RP9: variants seen among roughly 807,000 people sequenced by gnomAD.
RP9 encodes the protein RP9 pre-mRNA splicing factor.
RP9 carries 23 observed loss-of-function variants against 32.6 expected under a neutral mutation model. That is an observed-to-expected ratio of 0.71 (90% CI 0.51 to 1.00). The LOEUF (loss-of-function observed/expected upper bound fraction) is 1.00, where lower values mean the gene tolerates loss of function less well. RP9 is among the 50% of genes least tolerant of loss of function. The pLI, the probability that RP9 is intolerant of heterozygous loss-of-function variation, is 0.00. For missense variants in RP9, 245 were observed against 285.3 expected, an observed-to-expected ratio of 0.86 and a Z score of 1.02; for synonymous variants, 94 against 103.6, an observed-to-expected ratio of 0.91 and a Z score of 0.56.
chr7:33,107,512 G>A (rs1451612426), intron 1 of RP9, among the ~76,000 whole-genome samples: 2 of 152,150 alleles, frequency 1.3e-5, no homozygotes, highest in African/African-American at 4.8e-5. Flanking sequence ...TGACTTCCCT[G>A]GGAGACCAAG....
intron 1 of RP9, among the ~76,000 whole-genome samples, chr7:33,102,414 C>G (rs1487273519): frequency 6.6e-6 from 1 of 152,110 alleles, no homozygotes; most frequent in Non-Finnish European, 1.5e-5. Flanking sequence ...TGGGTTCAAG[C>G]AATCCTCCTG....
At chr7:33,099,210 G>C in intron 3 of RP9, 97 bp downstream of exon 3, 2 of 1,405,192 alleles carry the variant, frequency 1.4e-6, no homozygotes, top group Non-Finnish European at 2.0e-6. Context: ...GGCTGTAAGA[G>C]GGCTGTGATG....
At chr7:33,100,314 C>T (rs911456781) in intron 2 of RP9, 9 of 617,466 alleles carry the variant, frequency 1.5e-5, no homozygotes, top group Non-Finnish European at 2.3e-5. Context: ...TGGGCCTGCA[C>T]TGGTTCTTCA....
rs575755283 is a variant in RP9 at position 33,109,341 on chromosome 7, C to T, written c.32G>A (p.Gly11Glu). The change falls in exon 1 of 6, where the codon GGG becomes GAG. Residue 11 changes from glycine to glutamate, a missense_variant. Coordinates refer to ENST00000297157, the MANE Select transcript of RP9 (RefSeq NM_203288.2). This position sits in a 1 kb window ranked among gnomAD's most constrained non-coding sequence, Gnocchi z 4.9. MSSRPGREDV[G>E]AAGARRPREP... is the part of the protein sequence containing the mutation. Reference sequence around the variant, plus strand: ...ACGCGGCCGCCGCGCGCCCGCAGCCCCCACGTCCTCGCGCCCAGGCCGGGA... The same window carrying T: ...ACGCGGCCGCCGCGCGCCCGCAGCCTCCACGTCCTCGCGCCCAGGCCGGGA... The T allele has an allele frequency of 8.0e-5, 116 of 1,447,316 alleles. 1 individual carries two copies. The South Asian group carries it at 1.4e-3, about 17-fold the overall frequency. The allele number at this position is 1,447,316 out of a possible 1,614,324, so 89.7% of individuals were successfully genotyped here.
chr7:33,109,229 C>T lies in RP9; in HGVS notation c.144G>A (p.Leu48=). ...GGCAGCTCGGGACTCACAAGGACTC[C>T]AGGTGCTTGAGCTGCTGCAGCTGCT... ...DAQQLQQLKH[L]ESFYEKPPPG... The change falls in exon 1 of 6, where the codon CTG becomes CTA. Residue 48 remains leucine, a synonymous_variant. Transcript: ENST00000297157. This position sits in a 1 kb window ranked among gnomAD's most constrained non-coding sequence, Gnocchi z 4.9. 6.7e-7 allele frequency: 1 copy of T among 1,498,390 alleles called. No homozygotes were observed. Among genetic ancestry groups the T allele is most frequent in the African/African-American group, 1.5e-5 (1 of 68,502 alleles). The allele number at this position is 1,498,390 out of a possible 1,614,324, so 92.8% of individuals were successfully genotyped here.
rs1319252991 is a variant in RP9, at chr7:33,109,208, G to A, written c.152+13C>T. ...GAAGACTGGCCGCGCGCGGACGGCA[G>A]CTCGGGACTCACAAGGACTCCAGGT... On this transcript the variant is annotated intron_variant, in intron 1 of 5. Transcript: ENST00000297157. The surrounding 1 kb of genome is among the most constrained non-coding windows in gnomAD (Gnocchi z 4.9). 1.4e-5 allele frequency: 21 copies of A among 1,493,084 alleles called. No homozygotes were observed. The highest frequency in any genetic ancestry group is 1.8e-5 in the Non-Finnish European group (20 of 1,123,384). 92.5% of individuals were successfully genotyped at this position (1,493,084 alleles called of 1,614,324 possible).
chr7:33,099,204 G>A lies in RP9; in HGVS notation c.313+103C>T, dbSNP rs1305231991. ...AGAAGATGGAGAACGTGCCTTGGCT[G>A]TAAGAGGGCTGTGATGAGAACAAGT... On this transcript the variant is annotated intron_variant, in intron 3 of 5. Coordinates refer to ENST00000297157, the MANE Select transcript of RP9 (RefSeq NM_203288.2). The A allele has an allele frequency of 3.7e-6, 5 of 1,364,216 alleles. No individual in the cohort carries two copies. The East Asian group carries it at 6.9e-5, about 19-fold the overall frequency. 84.5% of individuals were successfully genotyped at this position (1,364,216 alleles called of 1,614,324 possible).
intron 1 of RP9, among the ~76,000 whole-genome samples, chr7:33,103,081 AAGGCCATAAAGATATCCCAAAAGG>A (rs1788451159): frequency 6.6e-6 from 1 of 152,256 alleles, no homozygotes; most frequent in Non-Finnish European, 1.5e-5. Flanking sequence ...AAAAAATAAA[AAGGCCATAAAGATATCCCAAAAGG>A]AGGCAACATC....
At chr7:33,098,573 T>C (rs941352019) in intron 3 of RP9, among the ~76,000 whole-genome samples, 9 of 151,778 alleles carry the variant, frequency 5.9e-5, no homozygotes, top group Admixed American at 4.6e-4. Context: ...AGAACACTCA[T>C]AGTATGGCTT....
chr7:33,097,666 C>T (rs1026298700), intron 3 of RP9, among the ~76,000 whole-genome samples: 2 of 152,098 alleles, frequency 1.3e-5, no homozygotes, highest in Non-Finnish European at 2.9e-5. Flanking sequence ...GTCGCTCAGG[C>T]TGGAGTGCAG....
Position 33,109,191 on chromosome 7 carries a change from G to A in RP9, c.152+30C>T. On this transcript the variant is annotated intron_variant, in intron 1 of 5. Transcript: ENST00000297157. This position sits in a 1 kb window ranked among gnomAD's most constrained non-coding sequence, Gnocchi z 4.9. Reference sequence around the variant, plus strand: ...CCGGGCCCCTGGCTTCAGAAGACTGGCCGCGCGCGGACGGCAGCTCGGGAC... The same window carrying A: ...CCGGGCCCCTGGCTTCAGAAGACTGACCGCGCGCGGACGGCAGCTCGGGAC... The A allele has an allele frequency of 2.0e-6, 3 of 1,484,926 alleles. No homozygotes were observed. Among genetic ancestry groups the A allele is most frequent in the Non-Finnish European group, 2.7e-6 (3 of 1,119,250 alleles). The allele number at this position is 1,484,926 out of a possible 1,614,324, so 92.0% of individuals were successfully genotyped here. A position where few individuals can be genotyped will look rare whatever the true frequency, so the allele number is the denominator to read the frequency against.
chr7:33,099,900 T>C (rs537497076), intron 2 of RP9, among the ~76,000 whole-genome samples: 2 of 152,376 alleles, frequency 1.3e-5, no homozygotes, highest in Admixed American at 1.3e-4. Context: ...TTTTTACCAC[T>C]CAATAACTGC....
intron 2 of RP9, among the ~76,000 whole-genome samples, 158 bp from the exon 3 acceptor site, chr7:33,099,594 T>C (rs1788396570): frequency 6.6e-6 from 1 of 151,944 alleles, no homozygotes; most frequent in African/African-American, 2.4e-5. Context: ...TTACACCTGA[T>C]TGAAAAAACA....
rs1788396114 is a variant in RP9 at position 33,099,545 on chromosome 7, T to A, written c.184-109A>T. The A allele has an allele frequency of 5.3e-6, 6 of 1,141,250 alleles. 1 individual carries two copies. The highest frequency in any genetic ancestry group is 5.0e-5 in the South Asian group (4 of 80,614). 70.7% of individuals were successfully genotyped at this position (1,141,250 alleles called of 1,614,324 possible). ...TTTTCCTGGGCTTCCGGTGCCAACA[T>A]CATCTTAGTTACCCCTCAAAACTAG... On this transcript the variant is annotated intron_variant, in intron 2 of 5. Transcript: ENST00000297157.
At chr7:33,103,185 CTT>C (rs955326671) in intron 1 of RP9, among the ~76,000 whole-genome samples, 9 of 152,196 alleles carry the variant, frequency 5.9e-5, no homozygotes, top group African/African-American at 1.9e-4. Flanking sequence ...AGAAGTAACA[CTT>C]TTCAGAAGAT....
intron 1 of RP9, among the ~76,000 whole-genome samples, chr7:33,104,760 T>C (rs917242118): frequency 1.3e-5 from 2 of 152,190 alleles, no homozygotes; most frequent in Admixed American, 1.3e-4. Context: ...TTTAAATTTT[T>C]TGTAGAGACA....
Position 33,099,784 on chromosome 7 carries a change from G to T in RP9, c.184-348C>A, listed in dbSNP as rs182336436. ...AAAATATAGAATTAAAGTAAACCAG[G>T]CTTCCTGGAATAATAGAAATGGCCT... On this transcript the variant is annotated intron_variant, in intron 2 of 5. Transcript: ENST00000297157. Among the ~76,000 whole-genome samples, 8 of 151,972 alleles carry T rather than the reference G, an allele frequency of 5.3e-5. No homozygotes were observed. In the East Asian group the frequency reaches 1.6e-3, roughly 29 times the overall value.
intron 3 of RP9, 117 bp from the exon 4 acceptor site, chr7:33,097,479 T>G: frequency 4.0e-6 from 3 of 740,930 alleles, no homozygotes; most frequent in Non-Finnish European, 6.7e-6. Context: ...AAACAAAATA[T>G]AATTATGGAC....
At chr7:33,104,282 C>A (rs1392207717) in intron 1 of RP9, among the ~76,000 whole-genome samples, 1 of 151,978 alleles carries the variant, frequency 6.6e-6, no homozygotes, top group Non-Finnish European at 1.5e-5. Context: ...AACTGGGGAA[C>A]AACACACACT....
Sources: gnomAD v4.1 joint callset for allele counts (sites outside exome capture counted in the v4.1 genomes callset) on GRCh38, gnomAD v4.1.1 for gene constraint, Gnocchi (gnomAD v3.1) non-coding constraint, MANE v1.5 for transcripts, NCBI Gene and HGNC (gene_info 2026-07-23, HGNC 2026-07-21) for gene names.